NDUFA11: variants seen among roughly 807,000 people sequenced by gnomAD.
The protein encoded by NDUFA11 is NADH:ubiquinone oxidoreductase subunit A11.
In NDUFA11, 14 loss-of-function variants were observed where a neutral mutation model predicts 11.3. The observed-to-expected ratio is 1.24, with a 90% CI of 0.82 to 1.94. The LOEUF is 1.94. Ranked by LOEUF, NDUFA11 falls within the 30% of genes most tolerant of loss-of-function variation. The pLI is 0.00. For missense variants in NDUFA11, 204 were observed against 200.3 expected, an observed-to-expected ratio of 1.02 and a Z score of -0.11; for synonymous variants, 87 against 85.6, an observed-to-expected ratio of 1.02 and a Z score of -0.09.
At chr19:5,892,761 AGTG>A, downstream of NDUFA11, 3 of 1,010,164 alleles carry the variant, frequency 3.0e-6, no homozygotes, top group Non-Finnish European at 4.0e-6. Context: ...GGTGCCCTCG[AGTG>A]GATGCGATGC....
rs1305598806 is a variant in NDUFA11 at position 5,896,394 on chromosome 19, G to C, written c.313+59C>G. ...ACAGAGAGGGTGGAGGATGAGCAGA[G>C]GTCAGGGGTCATTCTGCCAGGCTGG... On this transcript the variant is annotated intron_variant, in intron 3 of 3. Coordinates refer to ENST00000308961, the MANE Select transcript of NDUFA11 (RefSeq NM_175614.5). The surrounding 1 kb of genome is among the most constrained non-coding windows in gnomAD (Gnocchi z 5.8). The C allele has an allele frequency of 6.6e-7, 1 of 1,511,460 alleles. No individual in the cohort carries two copies. The highest frequency in any genetic ancestry group is 2.0e-5 in the Admixed American group (1 of 50,534). 93.6% of individuals were successfully genotyped at this position (1,511,460 alleles called of 1,614,324 possible). A position where few individuals can be genotyped will look rare whatever the true frequency, so the allele number is the denominator to read the frequency against.
At chr19:5,897,473 G>C (rs903043655) in intron 1 of NDUFA11, among the ~76,000 whole-genome samples, 1 of 152,128 alleles carries the variant, frequency 6.6e-6, no homozygotes, top group Non-Finnish European at 1.5e-5. Context: ...CTATTCTCCT[G>C]TGGGGCCCGG....
At chr19:5,894,634 GGCT>G (rs1419738110), downstream of NDUFA11, 2 of 1,543,052 alleles carry the variant, frequency 1.3e-6, no homozygotes, top group African/African-American at 2.7e-5. Context: ...CGCCCTCACC[GGCT>G]GCTGTGTCGC....
intron 1 of NDUFA11, among the ~76,000 whole-genome samples, chr19:5,903,098 A>G (rs1256901133): frequency 6.7e-6 from 1 of 148,512 alleles, no homozygotes; most frequent in Non-Finnish European, 1.5e-5. Context: ...CTCCTGATCC[A>G]CCTCACCTAG....
intron 1 of NDUFA11, among the ~76,000 whole-genome samples, chr19:5,902,124 C>T (rs185850050): frequency 2.2e-3 from 328 of 151,536 alleles, no homozygotes; most frequent in African/African-American, 6.9e-3. Context: ...TACAGGCACC[C>T]GCCATCATGC....
chr19:5,891,328 C>G (rs1227373485), downstream of NDUFA11: 1 of 151,950 alleles, frequency 6.6e-6, no homozygotes, highest in Non-Finnish European at 1.5e-5. Flanking sequence ...GACATGATCT[C>G]GGCTCACTGC....
chr19:5,894,967 ACT>A, intron 3 of NDUFA11, 113 bp from the exon 4 acceptor site: 1 of 1,195,788 alleles, frequency 8.4e-7, no homozygotes, highest in Non-Finnish European at 1.2e-6. Flanking sequence ...CTGACAGGAC[ACT>A]CTCTTCAGGG....
intron 3 of NDUFA11, chr19:5,895,275 C>T (rs769896156): frequency 2.2e-5 from 4 of 184,514 alleles, no homozygotes; most frequent in African/African-American, 9.4e-5. Flanking sequence ...CCCGACAGTG[C>T]CCCCACTTCT....
At chr19:5,892,737 T>C (rs1009204784), downstream of NDUFA11, 41 of 820,110 alleles carry the variant, frequency 5.0e-5, no homozygotes, top group Non-Finnish European at 6.6e-5. Flanking sequence ...CCGGCCGCAG[T>C]AGAGACAGAG....
In NDUFA11 at chr19:5,903,614, G is replaced by A; in HGVS notation, c.95C>T (p.Ala32Val). The A allele has an allele frequency of 6.4e-7, 1 of 1,550,614 alleles. No individual in the cohort carries two copies. Among genetic ancestry groups the A allele is most frequent in the South Asian group, 1.2e-5 (1 of 84,058 alleles). Reference sequence around the variant, plus strand: ...CTCGGGGCCCGGCCGGCGCTCACCAGCGACGCTGGCAATACTGGTGGTGCT... The same window carrying A: ...CTCGGGGCCCGGCCGGCGCTCACCAACGACGCTGGCAATACTGGTGGTGCT... ...AYSTTSIASV[A>V]GLTAAAYRVT... Residue 32 changes from alanine to valine, a missense_variant and splice_region_variant, in exon 1 of 4, where the codon GCT becomes GTT. Physicochemically the swap from Ala to Val is moderately conservative, Grantham distance 64. Transcript: ENST00000308961.
chr19:5,903,121 G>T (rs1361336815), intron 1 of NDUFA11, among the ~76,000 whole-genome samples: 1 of 151,662 alleles, frequency 6.6e-6, no homozygotes, highest in Non-Finnish European at 1.5e-5. Context: ...CCTCTCTGGC[G>T]GTCCCAGTAA....
rs573341528 is a variant in NDUFA11, at chr19:5,894,865, G to T, written c.314-11C>A. 6.3e-7 allele frequency: 1 copy of T among 1,592,324 alleles called. No individual in the cohort carries two copies. Among genetic ancestry groups the T allele is most frequent in the Admixed American group, 1.7e-5 (1 of 57,424 alleles). Reference sequence around the variant, plus strand: ...TCCCGTAGTTGTGCGCTGTGGGAGTGGGGAGGTGATGTCAGGCCCGGGTGG... The same window carrying T: ...TCCCGTAGTTGTGCGCTGTGGGAGTTGGGAGGTGATGTCAGGCCCGGGTGG... On this transcript the variant is annotated splice_polypyrimidine_tract_variant and intron_variant, in intron 3 of 3. Transcript: ENST00000308961.
intron 1 of NDUFA11, among the ~76,000 whole-genome samples, chr19:5,899,375 T>A (rs1393746870): frequency 7.4e-5 from 11 of 149,558 alleles, no homozygotes; most frequent in Admixed American, 1.3e-4. Flanking sequence ...GGTCTCCATC[T>A]CCTGACCTCG....
rs1450759280 is a variant in NDUFA11, at chr19:5,896,587, AC to A, written c.191-13del. 7 of 1,561,228 alleles carry A rather than the reference AC, an allele frequency of 4.5e-6. No individual in the cohort carries two copies. The highest frequency in any genetic ancestry group is 6.1e-6 in the Non-Finnish European group (7 of 1,153,694). ...GGCCCCGACAGCAGCTGCGGGGTAG[AC>A]GGGAAGAGCAAGGGCCTCGAGACGG... On this transcript the variant is annotated splice_polypyrimidine_tract_variant and intron_variant, in intron 2 of 3. Coordinates refer to ENST00000308961, the MANE Select transcript of NDUFA11 (RefSeq NM_175614.5). The surrounding 1 kb of genome is among the most constrained non-coding windows in gnomAD (Gnocchi z 5.8).
At chr19:5,903,471 A>C in intron 1 of NDUFA11, 141 bp downstream of exon 1, 1 of 744,336 alleles carries the variant, frequency 1.3e-6, no homozygotes, top group Non-Finnish European at 2.2e-6. Flanking sequence ...ATCCCCCCCT[A>C]CGACCGCCCA....
chr19:5,893,281 G>T, downstream of NDUFA11: 1 of 1,223,250 alleles, frequency 8.2e-7, no homozygotes, highest in South Asian at 1.3e-5. This position sits in a 1 kb window ranked among gnomAD's most constrained non-coding sequence, Gnocchi z 4.1. Flanking sequence ...AACACAGTGA[G>T]ATCCTGTCTC....
Position 5,896,490 on chromosome 19 carries a change from G to A in NDUFA11, c.276C>T (p.Leu92=), listed in dbSNP as rs371393774. ...EKPDDPLNYF[L]GGCAGGLTLG... is the part of the protein sequence containing the mutation. The stretch of plus-strand genomic sequence containing the variant: ...GAGTCAGGCCTCCGGCGCAGCCACC[G>A]AGGAAGTAGTTCAGGGGGTCGTCGG... The change falls in exon 3 of 4, where the codon CTC becomes CTT. Residue 92 remains leucine (L), a synonymous_variant. Coordinates refer to ENST00000308961, the MANE Select transcript of NDUFA11 (RefSeq NM_175614.5). The surrounding 1 kb of genome is among the most constrained non-coding windows in gnomAD (Gnocchi z 5.8). 1.2e-5 allele frequency: 19 copies of A among 1,574,156 alleles called. No homozygotes were observed. The highest frequency in any genetic ancestry group is 1.8e-4 in the Middle Eastern group (1 of 5,524).
At chr19:5,892,907 A>G (rs1247250280), downstream of NDUFA11, 1 of 1,436,810 alleles carries the variant, frequency 7.0e-7, no homozygotes, top group Non-Finnish European at 9.1e-7. Context: ...AGGACAGAAC[A>G]AGGAAAGAAT....
chr19:5,893,440 GAGAGAC>G (rs1289149442), downstream of NDUFA11: 8 of 559,066 alleles, frequency 1.4e-5, no homozygotes, highest in Non-Finnish European at 2.6e-5. The surrounding 1 kb of genome is among the most constrained non-coding windows in gnomAD (Gnocchi z 4.1). Context: ...CCTCCAGCTT[GAGAGAC>G]AGAGCAAGAC....
Sources: allele counts gnomAD v4.1 joint callset (sites outside exome capture counted in the v4.1 genomes callset), GRCh38; gene constraint gnomAD v4.1.1; non-coding constraint Gnocchi (gnomAD v3.1); transcripts MANE v1.5; gene names NCBI Gene and HGNC (gene_info 2026-07-23, HGNC 2026-07-21).